EPB41L3: variants seen among roughly 807,000 people sequenced by gnomAD.
EPB41L3 encodes the protein erythrocyte membrane protein band 4.1 like 3.
A neutral mutation model predicts 127.1 loss-of-function variants in EPB41L3; 57 were observed. The observed-to-expected ratio is 0.45, with a 90% CI of 0.36 to 0.56. The LOEUF is 0.56. Ranked by LOEUF, EPB41L3 falls within the 20% of genes least tolerant of loss-of-function variation. The pLI is 0.00. For synonymous variants in EPB41L3, 572 were observed against 549.5 expected (o/e 1.04, Z -0.57); for missense variants, 1,273 against 1,372.2 (o/e 0.93, Z 1.14).
intron 1 of EPB41L3, among the ~76,000 whole-genome samples, chr18:5,628,544 C>A (rs571509746): frequency 3.9e-5 from 6 of 152,338 alleles, no homozygotes; most frequent in African/African-American, 1.2e-4. Context: ...CCGCCAGAGC[C>A]CGGCGTCTTC....
At chr18:5,525,945 G>A (rs565319508) in intron 1 of EPB41L3, among the ~76,000 whole-genome samples, 52 of 152,184 alleles carry the variant, frequency 3.4e-4, no homozygotes, top group African/African-American at 1.2e-3. Context: ...TTATAAGGAT[G>A]GTAATGATGC....
intron 1 of EPB41L3, among the ~76,000 whole-genome samples, chr18:5,493,609 G>T (rs1337541940): frequency 6.6e-6 from 1 of 151,638 alleles, no homozygotes; most frequent in Non-Finnish European, 1.5e-5. Flanking sequence ...CATCCAAAAA[G>T]AAAATCCCAA....
upstream of EPB41L3, among the ~76,000 whole-genome samples, chr18:5,630,163 C>T (rs746534482): frequency 1.6e-4 from 25 of 152,316 alleles, no homozygotes; most frequent in Non-Finnish European, 2.5e-4. Flanking sequence ...CCTCTCTGCT[C>T]GTCCCTAGTC....
chr18:5,464,102 T>C (rs1430165750), intron 3 of EPB41L3, among the ~76,000 whole-genome samples: 2 of 152,148 alleles, frequency 1.3e-5, no homozygotes, highest in African/African-American at 2.4e-5. Context: ...CTCACATCTC[T>C]TCATCTGCCC....
intron 5 of EPB41L3, among the ~76,000 whole-genome samples, chr18:5,439,188 G>A (rs560055849): frequency 6.6e-6 from 1 of 151,858 alleles, no homozygotes; most frequent in Non-Finnish European, 1.5e-5. Flanking sequence ...CAGTCCCCCA[G>A]GCTTCCACCC....
rs1035940770 is a variant in EPB41L3 at position 5,470,238 on chromosome 18, G to A, written c.381+8003C>T. 7.9e-5 allele frequency among the ~76,000 whole-genome samples: 12 copies of A among 152,302 alleles called. No homozygotes were observed. The South Asian group carries it at 1.0e-3, about 13-fold the overall frequency. The stretch of plus-strand genomic sequence containing the variant: ...AGCAGGAGAAAAGGTCATTCCCAAT[G>A]TCCCTTCCAGATATAAAATTGTTTG... On this transcript the variant is annotated intron_variant, in intron 3 of 22. Transcript: ENST00000341928.
chr18:5,607,369 C>G (rs1248139450), intron 3 of EPB41L3, among the ~76,000 whole-genome samples: 5 of 152,154 alleles, frequency 3.3e-5, no homozygotes, highest in Non-Finnish European at 7.4e-5. Flanking sequence ...AGCCCTTCCA[C>G]GGCGAGGCTC....
chr18:5,620,715 AT>A (rs2094851178), intron 1 of EPB41L3, among the ~76,000 whole-genome samples: 1 of 152,144 alleles, frequency 6.6e-6, no homozygotes, highest in Non-Finnish European at 1.5e-5. Flanking sequence ...AGATCTATAT[AT>A]TTTTAGCTTT....
chr18:5,503,733 T>C (rs1217474407), intron 1 of EPB41L3, among the ~76,000 whole-genome samples: 2 of 152,238 alleles, frequency 1.3e-5, no homozygotes, highest in Admixed American at 1.3e-4. Context: ...TTGATTACTA[T>C]GACAAAGTTG....
At chr18:5,417,937 T>C (rs1248870534) in intron 12 of EPB41L3, among the ~76,000 whole-genome samples, 1 of 152,198 alleles carries the variant, frequency 6.6e-6, no homozygotes, top group African/African-American at 2.4e-5. Flanking sequence ...GATCCCAGCC[T>C]GGGAAACGTG....
chr18:5,521,318 G>T (rs958879589), intron 1 of EPB41L3: 5 of 152,212 alleles, frequency 3.3e-5, no homozygotes, highest in Non-Finnish European at 7.3e-5. Context: ...TTGGGTGAAT[G>T]GCGCATGCCT....
chr18:5,433,601 T>C, intron 7 of EPB41L3, 45 bp from the exon 8 acceptor site: 1 of 1,523,996 alleles, frequency 6.6e-7, no homozygotes, highest in Non-Finnish European at 9.0e-7. Flanking sequence ...TTCCCTTCCC[T>C]GGTAGGCTGC....
intron 16 of EPB41L3, chr18:5,400,690 A>G: frequency 2.0e-6 from 1 of 500,574 alleles, no homozygotes; most frequent in Admixed American, 2.9e-5. Context: ...GCAGTAAAAC[A>G]ACATTTCAGC....
intron 3 of EPB41L3, among the ~76,000 whole-genome samples, chr18:5,556,838 G>T: frequency 6.6e-6 from 1 of 152,078 alleles, no homozygotes. Flanking sequence ...CTGCTTCAAG[G>T]ATCATTGAGA....
chr18:5,630,233 G>A (rs1045288369), upstream of EPB41L3: 7 of 372,628 alleles, frequency 1.9e-5, no homozygotes, highest in Admixed American at 3.6e-5. Context: ...GGCAGCCCCC[G>A]GTCGGGCCAG....
At chr18:5,403,509 G>A (rs8099075) in intron 16 of EPB41L3, among the ~76,000 whole-genome samples, 15,877 of 148,790 alleles carry the variant, frequency 0.11, 1,727 homozygotes, top group African/African-American at 0.28. Context: ...AGATACAACA[G>A]TATAAAGAAA....
chr18:5,403,171 C>T (rs9957179), intron 16 of EPB41L3, among the ~76,000 whole-genome samples: 2,460 of 152,236 alleles, frequency 0.016, 78 homozygotes, highest in African/African-American at 0.056. Flanking sequence ...GTACCTGGCA[C>T]GCTGTACATA....
In EPB41L3 at chr18:5,395,129, A is replaced by G; in HGVS notation, c.3091T>C (p.Ser1031Pro). ...HITKTVKGGI[S>P]ETRIEKRIVI... ...ATTCGCTTCTCAATTCTTGTCTCTG[A>G]AATGCCCCCTTTCACAGTCTGCAAG... The change falls in exon 21 of 23, where the codon TCA becomes CCA. Residue 1031 changes from serine (S) to proline (P), a missense_variant. By Grantham distance (74) the Ser-to-Pro change is moderately conservative. Coordinates refer to ENST00000341928, the MANE Select transcript of EPB41L3 (RefSeq NM_012307.5). 1 of 1,614,108 alleles carries G rather than the reference A, an allele frequency of 6.2e-7. No homozygotes were observed. The highest frequency in any genetic ancestry group is 8.5e-7 in the Non-Finnish European group (1 of 1,179,998).
At chr18:5,519,255 C>T (rs1334900882) in intron 1 of EPB41L3, among the ~76,000 whole-genome samples, 8 of 152,212 alleles carry the variant, frequency 5.3e-5, no homozygotes, top group African/African-American at 9.6e-5. Context: ...ACAGAGAAGA[C>T]GCCCCTGCGT....
Sources: allele counts gnomAD v4.1 joint callset (sites outside exome capture counted in the v4.1 genomes callset), GRCh38; gene constraint gnomAD v4.1.1; transcripts MANE v1.5; gene names NCBI Gene and HGNC (gene_info 2026-07-23, HGNC 2026-07-21).